The following RAB38 variants were observed in gnomAD, a reference collection of about 807,000 sequenced individuals.
RAB38 encodes RAB38, member RAS oncogene family.
Under a neutral mutation model 18.4 loss-of-function variants are expected in RAB38, and 15 were observed. The observed-to-expected ratio is 0.82, with a 90% CI of 0.55 to 1.26. RAB38 has a LOEUF of 1.26. Among genes scored for constraint, RAB38 ranks in the 50% most tolerant of loss-of-function variants. RAB38 has a pLI of 0.00. For synonymous variants in RAB38, 101 were observed against 104.4 expected, an observed-to-expected ratio of 0.97 and a Z score of 0.20; for missense variants, 294 against 267.4, an observed-to-expected ratio of 1.10 and a Z score of -0.69.
At chr11:88,060,451 G>T in the RAB38 span, among the ~76,000 whole-genome samples, 9 of 152,296 alleles carry the variant, frequency 5.9e-5, no homozygotes, top group South Asian at 1.7e-3. Context: ...GGAAGTGATA[G>T]CTTTATTTTA....
chr11:88,128,446 C>G (rs976466773), intron 2 of RAB38, among the ~76,000 whole-genome samples: 3 of 152,196 alleles, frequency 2.0e-5, no homozygotes, highest in Non-Finnish European at 2.9e-5. Flanking sequence ...ACTTGATTAG[C>G]CGTAAGTTAC....
At chr11:88,053,958 C>T in the RAB38 span, among the ~76,000 whole-genome samples, 1 of 152,160 alleles carries the variant, frequency 6.6e-6, no homozygotes, top group South Asian at 2.1e-4. Flanking sequence ...ATTTTGAAAC[C>T]AGATAGAATT....
chr11:88,071,259 C>CACACAG, the RAB38 span, among the ~76,000 whole-genome samples: 25 of 151,790 alleles, frequency 1.6e-4, no homozygotes, highest in African/African-American at 6.1e-4. Flanking sequence ...CACACACACA[C>CACACAG]ACACACACAC....
intron 1 of RAB38, among the ~76,000 whole-genome samples, chr11:88,170,389 C>T (rs1157165726): frequency 1.3e-5 from 2 of 152,208 alleles, no homozygotes; most frequent in East Asian, 1.9e-4. Flanking sequence ...ACTACTTTGA[C>T]ATTTAAGACC....
At chr11:87,826,961 C>A in the RAB38 span, among the ~76,000 whole-genome samples, 5 of 152,192 alleles carry the variant, frequency 3.3e-5, no homozygotes, top group African/African-American at 1.2e-4. Context: ...GGACTTCAGG[C>A]CTGGTTTGAG....
the RAB38 span, among the ~76,000 whole-genome samples, chr11:88,087,516 C>A: frequency 1.3e-5 from 2 of 151,842 alleles, no homozygotes; most frequent in African/African-American, 2.4e-5. Context: ...TGTCAGACAA[C>A]AATCTTTTAT....
chr11:88,174,120 C>T, intron 1 of RAB38: 8 of 978,628 alleles, frequency 8.2e-6, no homozygotes, highest in Non-Finnish European at 8.5e-6. Context: ...AACTTCTGAG[C>T]AGGAAGATCC....
the RAB38 span, among the ~76,000 whole-genome samples, chr11:87,957,790 G>A: frequency 6.6e-6 from 1 of 151,974 alleles, no homozygotes; most frequent in Non-Finnish European, 1.5e-5. Context: ...GGGAGCGTGG[G>A]GAAAGGAAGA....
the RAB38 span, among the ~76,000 whole-genome samples, chr11:88,022,628 A>AAAAAAAAAAC: frequency 4.0e-5 from 6 of 150,558 alleles, no homozygotes; most frequent in Non-Finnish European, 5.9e-5. Context: ...AAAAAAAAAA[A>AAAAAAAAAAC]AAAACAACTA....
the RAB38 span, among the ~76,000 whole-genome samples, chr11:87,883,243 GC>G: frequency 2.6e-5 from 4 of 151,844 alleles, no homozygotes; most frequent in Non-Finnish European, 4.4e-5. Flanking sequence ...GCCAACTGTT[GC>G]CTTGGAAATT....
At chr11:87,947,135 T>C in the RAB38 span, among the ~76,000 whole-genome samples, 2 of 152,226 alleles carry the variant, frequency 1.3e-5, no homozygotes, top group African/African-American at 4.8e-5. Context: ...ATTTCTCTGA[T>C]GACCAGTGAT....
intron 1 of RAB38, among the ~76,000 whole-genome samples, chr11:88,163,634 G>C (rs183068281): frequency 6.6e-6 from 1 of 152,186 alleles, no homozygotes; most frequent in East Asian, 1.9e-4. Context: ...AGAATAAAAT[G>C]GCATAAAAGG....
At chr11:88,072,031 A>C in the RAB38 span, among the ~76,000 whole-genome samples, 1 of 152,244 alleles carries the variant, frequency 6.6e-6, no homozygotes, top group African/African-American at 2.4e-5. Flanking sequence ...TCCAATATTC[A>C]GTAAAAAATT....
the RAB38 span, among the ~76,000 whole-genome samples, chr11:88,046,727 T>C: frequency 7.8e-3 from 1,186 of 152,298 alleles, 14 homozygotes; most frequent in African/African-American, 0.027. Context: ...CTAGGCATGG[T>C]TGGATACTTT....
chr11:88,093,798 A>G, the RAB38 span, among the ~76,000 whole-genome samples: 1 of 151,960 alleles, frequency 6.6e-6, no homozygotes, highest in Non-Finnish European at 1.5e-5. Flanking sequence ...TTCTACCTAC[A>G]TATGAAGCAC....
chr11:88,156,967 G>A (rs912940663), intron 1 of RAB38, among the ~76,000 whole-genome samples: 4 of 152,084 alleles, frequency 2.6e-5, no homozygotes, highest in African/African-American at 4.8e-5. Flanking sequence ...TAATAACTTC[G>A]TGATAAGATC....
At chr11:88,026,365 C>T in the RAB38 span, among the ~76,000 whole-genome samples, 1 of 151,340 alleles carries the variant, frequency 6.6e-6, no homozygotes, top group Non-Finnish European at 1.5e-5. Flanking sequence ...AGATCGAGAC[C>T]ATCCTGGCTA....
At chr11:87,974,290 A>T in the RAB38 span, among the ~76,000 whole-genome samples, 1 of 151,916 alleles carries the variant, frequency 6.6e-6, no homozygotes. Flanking sequence ...AAGCTATAAT[A>T]ACAAAAGAAC....
chr11:88,048,561 C>T, the RAB38 span, among the ~76,000 whole-genome samples: 1,912 of 152,294 alleles, frequency 0.013, 45 homozygotes, highest in African/African-American at 0.044. Flanking sequence ...CGGAATGCTA[C>T]AAAGTACAGC....
Sources: gnomAD v4.1 joint callset for allele counts (sites outside exome capture counted in the v4.1 genomes callset) on GRCh38, gnomAD v4.1.1 for gene constraint, MANE v1.5 for transcripts, NCBI Gene and HGNC (gene_info 2026-07-23, HGNC 2026-07-21) for gene names.